The following SAMD5 variants were observed in gnomAD, a reference collection of about 807,000 sequenced individuals.
SAMD5 encodes sterile alpha motif domain-containing protein 5.
A neutral mutation model predicts 11.3 loss-of-function variants in SAMD5; 13 were observed. The ratio of observed to expected loss-of-function variants is 1.15; its 90% CI spans 0.75 to 1.83. The LOEUF (loss-of-function observed/expected upper bound fraction) is 1.83, where lower values mean the gene tolerates loss of function less well. SAMD5 is among the 40% of genes most tolerant of loss of function. The probability of loss-of-function intolerance (pLI) is 0.00; values close to 1 mark genes in which losing one functional copy is unlikely to be tolerated. For synonymous variants in SAMD5, 129 were observed against 111.3 expected (o/e 1.16, Z -1.00); for missense variants, 255 against 239.1 (o/e 1.07, Z -0.44).
intron 1 of SAMD5, among the ~76,000 whole-genome samples, chr6:147,607,736 G>T (rs62434739): frequency 0.09 from 13,636 of 152,226 alleles, 741 homozygotes; most frequent in Middle Eastern, 0.15. Flanking sequence ...TCTGGGCAAA[G>T]ATTTCTTGAG....
chr6:147,710,778 C>T (rs774270268), intron 1 of SAMD5, among the ~76,000 whole-genome samples: 1 of 150,050 alleles, frequency 6.7e-6, no homozygotes, highest in Non-Finnish European at 1.5e-5. Flanking sequence ...TCAGTACTCT[C>T]CATGGTTTCA....
At chr6:147,828,651 T>C in the SAMD5 span, among the ~76,000 whole-genome samples, 1,921 of 152,312 alleles carry the variant, frequency 0.013, 33 homozygotes, top group South Asian at 0.038. Flanking sequence ...ACTGACTTCC[T>C]TGCTCTCAGC....
chr6:147,851,935 T>C, the SAMD5 span, among the ~76,000 whole-genome samples: 1 of 152,196 alleles, frequency 6.6e-6, no homozygotes, highest in Non-Finnish European at 1.5e-5. Flanking sequence ...TGTCAATACA[T>C]AGGTGCTTTT....
At chr6:147,821,217 C>A in the SAMD5 span, among the ~76,000 whole-genome samples, 26 of 152,276 alleles carry the variant, frequency 1.7e-4, no homozygotes, top group South Asian at 5.4e-3. Flanking sequence ...CATTTATATT[C>A]TATAATTTTC....
the SAMD5 span, among the ~76,000 whole-genome samples, chr6:147,886,258 A>G: frequency 6.6e-6 from 1 of 152,202 alleles, no homozygotes; most frequent in Admixed American, 6.6e-5. Flanking sequence ...ATGTAATTGA[A>G]TACCACATTC....
chr6:147,899,216 GA>G, the SAMD5 span, among the ~76,000 whole-genome samples: 1 of 137,852 alleles, frequency 7.3e-6, no homozygotes, highest in Non-Finnish European at 1.5e-5. Context: ...ACAGTGCATT[GA>G]AAACTGTAAA....
the SAMD5 span, among the ~76,000 whole-genome samples, chr6:147,901,457 A>G: frequency 6.6e-6 from 1 of 152,106 alleles, no homozygotes; most frequent in East Asian, 1.9e-4. Flanking sequence ...CCTTTCCTAA[A>G]GTTCATTCTG....
At chr6:147,860,780 G>T in the SAMD5 span, among the ~76,000 whole-genome samples, 1 of 152,148 alleles carries the variant, frequency 6.6e-6, no homozygotes, top group East Asian at 1.9e-4. Context: ...TCTGTGTTTT[G>T]TTAGCTTGTT....
chr6:147,556,388 G>A (rs998651430), intron 1 of SAMD5, among the ~76,000 whole-genome samples: 2 of 152,162 alleles, frequency 1.3e-5, no homozygotes, highest in Admixed American at 6.5e-5. Context: ...CACCGTGCCC[G>A]GCTACTAGTG....
chr6:147,575,610 G>A (rs754517102), intron 1 of SAMD5, among the ~76,000 whole-genome samples: 13 of 152,240 alleles, frequency 8.5e-5, no homozygotes, highest in African/African-American at 1.9e-4. Flanking sequence ...AAGGAAATTC[G>A]GACCATCCAT....
the SAMD5 span, among the ~76,000 whole-genome samples, chr6:147,892,267 C>A: frequency 6.5e-3 from 984 of 152,326 alleles, 6 homozygotes; most frequent in African/African-American, 0.022. Flanking sequence ...AGAGAAAATT[C>A]TTTCACAGCT....
chr6:147,528,575 A>G (rs944882546), intron 1 of SAMD5, among the ~76,000 whole-genome samples: 2 of 152,166 alleles, frequency 1.3e-5, no homozygotes, highest in African/African-American at 4.8e-5. Context: ...TCAACATATT[A>G]ACTTTAGGGG....
intron 1 of SAMD5, among the ~76,000 whole-genome samples, chr6:147,607,805 T>G (rs981485400): frequency 3.9e-5 from 6 of 152,128 alleles, no homozygotes; most frequent in African/African-American, 1.2e-4. Flanking sequence ...TTAAAAAGCT[T>G]CTGCACAGCA....
In SAMD5 at chr6:147,579,600, G is replaced by T. The variant is rs117747565; in HGVS notation, c.162+70213G>T. Reference sequence around the variant, plus strand: ...CCTGCCTCAGTTTCTCGTGTAGCTGGGACTACAGGCATATGCCTGGTTAAT... The same window carrying T: ...CCTGCCTCAGTTTCTCGTGTAGCTGTGACTACAGGCATATGCCTGGTTAAT... On this transcript the variant is annotated intron_variant, in intron 1 of 1. Transcript: ENST00000566741. Among the ~76,000 whole-genome samples the T allele has an allele frequency of 9.5e-4, 144 of 151,816 alleles. 3 individuals carry two copies. In the East Asian group the frequency reaches 0.024, roughly 26 times the overall value.
chr6:147,717,964 A>G lies in SAMD5; in HGVS notation c.163-19353A>G, dbSNP rs531872008. Among the ~76,000 whole-genome samples, 3 of 152,346 alleles carry G rather than the reference A, an allele frequency of 2.0e-5. No individual in the cohort carries two copies. The South Asian group carries it at 6.2e-4, about 32-fold the overall frequency. The stretch of plus-strand genomic sequence containing the variant: ...GTAGAATGTTGGAAGATATGAAATT[A>G]AAACTGGGATTTTCTAAGTAGTATC... On this transcript the variant is annotated intron_variant, in intron 1 of 1. Transcript: ENST00000566741.
At chr6:147,533,859 T>C (rs1272806631) in intron 1 of SAMD5, among the ~76,000 whole-genome samples, 1 of 152,228 alleles carries the variant, frequency 6.6e-6, no homozygotes, top group Non-Finnish European at 1.5e-5. Flanking sequence ...GGATGATGCC[T>C]ACCCACATTA....
the SAMD5 span, among the ~76,000 whole-genome samples, chr6:147,781,199 A>G: frequency 2.7e-5 from 4 of 149,104 alleles, no homozygotes; most frequent in Non-Finnish European, 5.9e-5. Flanking sequence ...TTTGTCATCC[A>G]AGCTAGAGTG....
At chr6:147,903,505 A>C in the SAMD5 span, among the ~76,000 whole-genome samples, 1 of 152,240 alleles carries the variant, frequency 6.6e-6, no homozygotes, top group African/African-American at 2.4e-5. Flanking sequence ...CAGTCATTTC[A>C]AGATGGTGGA....
At chr6:147,680,628 A>G (rs887044377) in intron 1 of SAMD5, among the ~76,000 whole-genome samples, 1 of 152,088 alleles carries the variant, frequency 6.6e-6, no homozygotes, top group African/African-American at 2.4e-5. Context: ...ATCATTAAGT[A>G]AGATACTAGC....
Sources: gnomAD v4.1 joint callset for allele counts (sites outside exome capture counted in the v4.1 genomes callset) on GRCh38, gnomAD v4.1.1 for gene constraint, MANE v1.5 for transcripts, NCBI Gene and HGNC (gene_info 2026-07-23, HGNC 2026-07-21) for gene names.